SAMSN1: variants seen among roughly 807,000 people sequenced by gnomAD.
The protein encoded by SAMSN1 is SAM domain-containing protein SAMSN-1.
SAMSN1 carries 31 observed loss-of-function variants against 42.0 expected under a neutral mutation model. The observed-to-expected ratio is 0.74, with a 90% CI of 0.55 to 1.00. The LOEUF (loss-of-function observed/expected upper bound fraction) is 1.00, where lower values mean the gene tolerates loss of function less well. SAMSN1 is among the 50% of genes least tolerant of loss of function. SAMSN1 has a pLI of 0.00. For missense variants in SAMSN1, 464 were observed against 439.4 expected (o/e 1.06, Z -0.50); for synonymous variants, 178 against 151.9 (o/e 1.17, Z -1.26).
chr21:14,603,261 G>A (rs1600957712), intron 5 of SAMSN1, among the ~76,000 whole-genome samples: 1 of 152,090 alleles, frequency 6.6e-6, no homozygotes, highest in African/African-American at 2.4e-5. Flanking sequence ...CCTTCTATAA[G>A]CATTCTTCTA....
Position 14,644,801 on chromosome 21 carries a change from G to A in SAMSN1, c.25-1668C>T, listed in dbSNP as rs77794569. On this transcript the variant is annotated intron_variant, in intron 1 of 15. Transcript: ENST00000647101. ...CAGAGGGGAGTCCAGTGCCCTGCAG[G>A]GTAAATCCCAGGCCAGGTAGCATTC... 1.6e-4 allele frequency among the ~76,000 whole-genome samples: 24 copies of A among 152,016 alleles called. No homozygotes were observed. In the East Asian group the frequency reaches 2.1e-3, roughly 14 times the overall value.
intron 2 of SAMSN1, among the ~76,000 whole-genome samples, chr21:14,552,349 T>G (rs1455778154): frequency 1.3e-5 from 2 of 152,114 alleles, no homozygotes; most frequent in Non-Finnish European, 2.9e-5. Context: ...GTTTGTGTGG[T>G]CCCAAAATTC....
intron 1 of SAMSN1, among the ~76,000 whole-genome samples, chr21:14,532,798 CAAACA>C (rs1277802608): frequency 6.6e-6 from 1 of 151,646 alleles, no homozygotes; most frequent in African/African-American, 2.4e-5. Context: ...ACATACAAAT[CAAACA>C]AAAGATAAAA....
At chr21:14,633,558 T>C (rs1275578619) in intron 2 of SAMSN1, among the ~76,000 whole-genome samples, 1 of 152,252 alleles carries the variant, frequency 6.6e-6, no homozygotes, top group African/African-American at 2.4e-5. Context: ...TACTATTGTC[T>C]GATAAGTTAT....
At chr21:14,610,236 C>T (rs974767297) in intron 4 of SAMSN1, among the ~76,000 whole-genome samples, 1 of 152,124 alleles carries the variant, frequency 6.6e-6, no homozygotes, top group African/African-American at 2.4e-5. Flanking sequence ...ATTAACAGCC[C>T]TGGGAAAAGA....
chr21:14,615,863 CAAAAAAA>C (rs34255188), intron 3 of SAMSN1: 275 of 116,366 alleles, frequency 2.4e-3, no homozygotes, highest in South Asian at 8.9e-3. Flanking sequence ...ATGACAGCTG[CAAAAAAA>C]AAAAAAAAAA....
intron 1 of SAMSN1, among the ~76,000 whole-genome samples, chr21:14,530,823 A>C (rs1309403013): frequency 6.6e-6 from 1 of 152,210 alleles, no homozygotes; most frequent in African/African-American, 2.4e-5. Flanking sequence ...TTCCCTGAGC[A>C]AATTTTGCAT....
intron 2 of SAMSN1, among the ~76,000 whole-genome samples, chr21:14,634,801 A>G (rs932597229): frequency 2.0e-5 from 3 of 152,222 alleles, no homozygotes; most frequent in Non-Finnish European, 4.4e-5. Context: ...TGACCCGGAA[A>G]TACAATTTGA....
chr21:14,582,315 C>A, exon 2 of SAMSN1: 3 of 1,550,616 alleles, frequency 1.9e-6, no homozygotes, highest in East Asian at 4.9e-5. Flanking sequence ...TCATACCAAG[C>A]TAATTTATCT....
intron 7 of SAMSN1, among the ~76,000 whole-genome samples, chr21:14,491,480 A>G (rs1166619266): frequency 6.6e-6 from 1 of 152,150 alleles, no homozygotes; most frequent in Non-Finnish European, 1.5e-5. Context: ...CCAGAAGAAA[A>G]GTATCATTCT....
At chr21:14,581,024 TTTTAG>T (rs1288429489) in intron 2 of SAMSN1, among the ~76,000 whole-genome samples, 6 of 152,218 alleles carry the variant, frequency 3.9e-5, no homozygotes, top group African/African-American at 1.4e-4. Flanking sequence ...TATTTCCATT[TTTTAG>T]TTAAGAAAGT....
intron 2 of SAMSN1, among the ~76,000 whole-genome samples, chr21:14,629,809 G>T (rs1983281063): frequency 6.6e-6 from 1 of 152,104 alleles, no homozygotes; most frequent in African/African-American, 2.4e-5. Flanking sequence ...AAATATCCAG[G>T]ATGGCAAAAC....
chr21:14,629,553 G>A lies in SAMSN1; in HGVS notation c.156+13449C>T, dbSNP rs116790196. 4.1e-3 allele frequency among the ~76,000 whole-genome samples: 627 copies of A among 152,304 alleles called. 3 individuals are homozygous for A. The highest frequency in any genetic ancestry group is 0.013 in the African/African-American group (550 of 41,564). On this transcript the variant is annotated intron_variant, in intron 2 of 15. Transcript: ENST00000647101. ...TTGCTTGCCAGCCTGTCCAGCTCCT[G>A]TCTTCAAGAAACAACCCCATACAGC...
intron 5 of SAMSN1, among the ~76,000 whole-genome samples, chr21:14,603,275 G>A (rs112956961): frequency 0.026 from 3,989 of 152,226 alleles, 107 homozygotes; most frequent in South Asian, 0.081. Flanking sequence ...TCTTCTAGGT[G>A]TAGAAAAAGA....
intron 5 of SAMSN1, among the ~76,000 whole-genome samples, chr21:14,507,148 C>T (rs897437195): frequency 7.2e-5 from 11 of 152,162 alleles, no homozygotes; most frequent in Admixed American, 1.3e-4. Flanking sequence ...AGGATACCCA[C>T]TCTCACCATT....
intron 2 of SAMSN1, among the ~76,000 whole-genome samples, chr21:14,519,119 G>T (rs983071520): frequency 7.2e-5 from 11 of 151,962 alleles, no homozygotes; most frequent in Admixed American, 5.9e-4. Context: ...ATTACTTATG[G>T]TTTTGTTCTT....
chr21:14,621,706 T>C (rs1983013130), intron 2 of SAMSN1, among the ~76,000 whole-genome samples: 1 of 152,220 alleles, frequency 6.6e-6, no homozygotes, highest in African/African-American at 2.4e-5. Flanking sequence ...CAGCAGGGCA[T>C]AGCCAAACAA....
At position 14,566,625 on chromosome 21, in the gene SAMSN1, C is replaced by G. The variant is rs148197991; in HGVS notation, c.261+15511G>C. Among the ~76,000 whole-genome samples, 301 of 152,088 alleles carry G rather than the reference C, an allele frequency of 2.0e-3. 1 individual carries two copies. The highest frequency in any genetic ancestry group is 3.4e-3 in the Non-Finnish European group (234 of 67,986). The stretch of plus-strand genomic sequence containing the variant: ...TGATTTTGGCTCACTACAACTTCTG[C>G]CTCCCGGGTTCAAGCTATTCTCTTG... On this transcript the variant is annotated intron_variant, in intron 2 of 8. Coordinates refer to the SAMSN1 transcript ENST00000285670.
intron 1 of SAMSN1, among the ~76,000 whole-genome samples, chr21:14,649,114 TTTG>T (rs1289895436): frequency 6.6e-6 from 1 of 152,072 alleles, no homozygotes; most frequent in African/African-American, 2.4e-5. Context: ...GTTCATGTCC[TTTG>T]TAGGGACATG....
Sources: allele counts gnomAD v4.1 joint callset (sites outside exome capture counted in the v4.1 genomes callset), GRCh38; gene constraint gnomAD v4.1.1; transcripts MANE v1.5; gene names NCBI Gene and HGNC (gene_info 2026-07-23, HGNC 2026-07-21).